Variants in IREB2 observed in about 807,000 individuals in gnomAD.
IREB2 encodes the protein iron-responsive element-binding protein 2.
In IREB2, 39 loss-of-function variants were observed where a neutral mutation model predicts 118.8. The observed-to-expected ratio is 0.33, with a 90% CI of 0.25 to 0.43. The LOEUF is 0.43. Among genes scored for constraint, IREB2 ranks in the 20% least tolerant of loss-of-function variants. IREB2 has a pLI of 1.00. For synonymous variants in IREB2, 372 were observed against 392.2 expected, an observed-to-expected ratio of 0.95 and a Z score of 0.61; for missense variants, 900 against 1,147.3, an observed-to-expected ratio of 0.78 and a Z score of 3.11.
intron 9 of IREB2, chr15:78,476,767 G>C (rs1273086577): frequency 6.5e-6 from 1 of 152,816 alleles, no homozygotes; most frequent in Non-Finnish European, 1.5e-5. Flanking sequence ...TAGAGAAGAA[G>C]AAGAAGCGCA....
intron 9 of IREB2, 138 bp downstream of exon 9, chr15:78,476,497 ACAT>A (rs527479014): frequency 1.7e-6 from 1 of 584,912 alleles, no homozygotes; most frequent in Non-Finnish European, 2.8e-6. Context: ...TTTCAAGCAA[ACAT>A]CAGATGTCTT....
intron 20 of IREB2, among the ~76,000 whole-genome samples, chr15:78,495,957 C>T (rs1473041521): frequency 6.6e-6 from 1 of 152,016 alleles, no homozygotes; most frequent in Non-Finnish European, 1.5e-5. Context: ...TCATTTTTTC[C>T]AGAGAATAAA....
chr15:78,479,545 C>CT (rs1394806936), intron 10 of IREB2, among the ~76,000 whole-genome samples: 2 of 151,778 alleles, frequency 1.3e-5, no homozygotes, highest in South Asian at 2.1e-4. Context: ...CCTATGAAGT[C>CT]TAATTTTTTA....
intron 8 of IREB2, chr15:78,475,422 G>A (rs2051452195): frequency 6.6e-6 from 1 of 152,026 alleles, no homozygotes; most frequent in Non-Finnish European, 1.5e-5. Context: ...TAAACATTTG[G>A]GCCAGTAGTT....
Position 78,498,045 on chromosome 15 carries a change from A to G in IREB2, c.2794A>G (p.Lys932Glu), listed in dbSNP as rs771647679. Residue 932 changes from lysine (K) to glutamate (E), a missense_variant, in exon 22 of 22, where the codon AAA becomes GAA. Coordinates refer to ENST00000258886, the MANE Select transcript of IREB2 (RefSeq NM_004136.4). ...ITLNIQTSTG[K>E]VFSVIASFED... is the part of the protein sequence containing the mutation. Reference sequence around the variant, plus strand: ...TGCTCCTTTCAAGACAAGCACTGGAAAAGTATTCAGCGTGATTGCTTCGTT... The same window carrying G: ...TGCTCCTTTCAAGACAAGCACTGGAGAAGTATTCAGCGTGATTGCTTCGTT... 1 of 1,609,048 alleles carries G rather than the reference A, an allele frequency of 6.2e-7. No homozygotes were observed. Among genetic ancestry groups the G allele is most frequent in the Admixed American group, 1.7e-5 (1 of 59,946 alleles).
Position 78,462,915 on chromosome 15 carries a change from G to T in IREB2, c.107-7G>T. On this transcript the variant is annotated splice_polypyrimidine_tract_variant and splice_region_variant and intron_variant, in intron 2 of 21. Coordinates refer to ENST00000258886, the MANE Select transcript of IREB2 (RefSeq NM_004136.4). ...TGCTTATTAATAGTAATATTTTCTT[G>T]AATCAGATGTTCTGCCTTACTCAAT... 6.4e-7 allele frequency: 1 copy of T among 1,567,892 alleles called. No individual in the cohort carries two copies. Among genetic ancestry groups the T allele is most frequent in the East Asian group, 2.3e-5 (1 of 44,076 alleles).
chr15:78,445,755 C>CCTCT (rs2050918497), intron 2 of IREB2, among the ~76,000 whole-genome samples: 1 of 151,960 alleles, frequency 6.6e-6, no homozygotes, highest in Non-Finnish European at 1.5e-5. Flanking sequence ...TAAGAGTGTA[C>CCTCT]CTCTAGGTGA....
At chr15:78,453,451 T>C (rs1228196258) in intron 2 of IREB2, among the ~76,000 whole-genome samples, 1 of 152,242 alleles carries the variant, frequency 6.6e-6, no homozygotes, top group African/African-American at 2.4e-5. Flanking sequence ...GTACTTTTGT[T>C]GTCAACTGGG....
chr15:78,470,481 C>G (rs752003479), intron 5 of IREB2, 51 bp from the exon 6 acceptor site: 2 of 1,157,502 alleles, frequency 1.7e-6, no homozygotes, highest in South Asian at 3.2e-5. Context: ...AGAAACAAGG[C>G]AAGTCTTTTT....
chr15:78,480,628 G>A (rs2051551238), intron 10 of IREB2, among the ~76,000 whole-genome samples: 1 of 147,224 alleles, frequency 6.8e-6, no homozygotes, highest in South Asian at 2.2e-4. Flanking sequence ...GGCGGAGGTT[G>A]CAGTGAGCTG....
intron 9 of IREB2, chr15:78,476,634 A>T (rs1198379836): frequency 1.0e-4 from 23 of 225,106 alleles, no homozygotes; most frequent in Non-Finnish European, 1.8e-5. Context: ...CTCCACCTCT[A>T]CTTAGGGGTC....
At chr15:78,481,613 C>G (rs1451437180) in intron 10 of IREB2, 1 of 151,210 alleles carries the variant, frequency 6.6e-6, no homozygotes, top group Admixed American at 6.6e-5. Context: ...GATCCGCCTG[C>G]CTCGGCCTCC....
rs1381990057 is a variant in IREB2, at chr15:78,479,138, C to CAAAAAA, written c.1296+741_1296+742insAAAAAA. On this transcript the variant is annotated intron_variant, in intron 10 of 21. Coordinates refer to ENST00000258886, the MANE Select transcript of IREB2 (RefSeq NM_004136.4). ...TTTTAATATTATTATTTTTTGGACC[C>CAAAAAA]TGGGCAGGGTCTCATTTTATTTTAC... 2.6e-5 allele frequency among the ~76,000 whole-genome samples: 4 copies of CAAAAAA among 151,962 alleles called. No homozygotes were observed. In the East Asian group the frequency reaches 7.7e-4, roughly 29 times the overall value.
intron 10 of IREB2, among the ~76,000 whole-genome samples, chr15:78,479,307 G>T (rs986724810): frequency 2.0e-5 from 3 of 151,466 alleles, no homozygotes; most frequent in African/African-American, 7.3e-5. Context: ...TGTTATTGTA[G>T]CCCAGTGCTT....
At chr15:78,446,095 T>A (rs564858453) in intron 2 of IREB2, among the ~76,000 whole-genome samples, 1 of 152,294 alleles carries the variant, frequency 6.6e-6, no homozygotes, top group Admixed American at 6.5e-5. Context: ...ACCTGTTGTT[T>A]TAACCTATTT....
At chr15:78,438,455 G>A in intron 1 of IREB2, 99 bp downstream of exon 1, 2 of 1,369,916 alleles carry the variant, frequency 1.5e-6, no homozygotes, top group Middle Eastern at 2.1e-4. Flanking sequence ...CTCGGCAGGC[G>A]CCCAGGCCCT....
At chr15:78,492,908 T>A (rs1215528918) in intron 18 of IREB2, among the ~76,000 whole-genome samples, 2 of 152,124 alleles carry the variant, frequency 1.3e-5, no homozygotes, top group Non-Finnish European at 2.9e-5. Context: ...GAAGAAGGAA[T>A]GGGTGAATTA....
intron 1 of IREB2, chr15:78,438,807 C>T (rs17405217): frequency 0.24 from 40,254 of 170,510 alleles, 6,123 homozygotes; most frequent in Middle Eastern, 0.36. Flanking sequence ...GCCCCTCAGT[C>T]TCTCTGTGCC....
chr15:78,441,044 TGGAA>T (rs1315277538), intron 2 of IREB2, among the ~76,000 whole-genome samples: 4 of 152,248 alleles, frequency 2.6e-5, no homozygotes, highest in Admixed American at 1.3e-4. Flanking sequence ...CAGTCAGTTT[TGGAA>T]GGAGCTTTAA....
Sources: gnomAD v4.1 joint callset for allele counts (sites outside exome capture counted in the v4.1 genomes callset) on GRCh38, gnomAD v4.1.1 for gene constraint, MANE v1.5 for transcripts, NCBI Gene and HGNC (gene_info 2026-07-23, HGNC 2026-07-21) for gene names.